Variants in VEPH1 observed in about 807,000 individuals in gnomAD.
VEPH1 encodes ventricular zone expressed PH domain containing 1.
Under a neutral mutation model 85.2 loss-of-function variants are expected in VEPH1, and 80 were observed. The observed-to-expected ratio is 0.94, with a 90% confidence interval of 0.78 to 1.13. The LOEUF is 1.13. Ranked by LOEUF, VEPH1 falls within the 50% of genes most tolerant of loss-of-function variation. The pLI, the probability that VEPH1 is intolerant of heterozygous loss-of-function variation, is 0.00. For missense variants in VEPH1, 955 were observed against 980.5 expected, an observed-to-expected ratio of 0.97 and a Z score of 0.35; for synonymous variants, 297 against 348.0, an observed-to-expected ratio of 0.85 and a Z score of 1.63.
chr3:157,274,671 A>AT lies in VEPH1; in HGVS notation c.2129-9010dup, dbSNP rs1371790162. ...TGCCATCACACCTGGATAATTTTTA[A>AT]TTTTTTTTTGTAGAGATGGGGTCTT... On this transcript the variant is annotated intron_variant, in intron 12 of 13. Coordinates refer to ENST00000362010, the MANE Select transcript of VEPH1 (RefSeq NM_001167912.2). Among the ~76,000 whole-genome samples, 8 of 151,272 alleles carry AT rather than the reference A, an allele frequency of 5.3e-5. No homozygotes were observed. The East Asian group carries it at 7.8e-4, about 15-fold the overall frequency.
At chr3:157,364,233 A>C (rs1726374981) in intron 8 of VEPH1, 70 bp downstream of exon 8, 1 of 1,257,528 alleles carries the variant, frequency 8.0e-7, no homozygotes, top group East Asian at 2.4e-5. Flanking sequence ...ACACCCCATA[A>C]CAGAGTGATA....
intron 11 of VEPH1, among the ~76,000 whole-genome samples, chr3:157,290,035 AACACACACACACACACAC>A (rs34035101): frequency 6.5e-4 from 94 of 144,312 alleles, no homozygotes; most frequent in Admixed American, 1.5e-3. Flanking sequence ...ATTATACACA[AACACACACACACACACAC>A]ACACACACAC....
chr3:157,272,099 G>T (rs923045499), intron 12 of VEPH1, among the ~76,000 whole-genome samples: 5 of 151,930 alleles, frequency 3.3e-5, no homozygotes, highest in Non-Finnish European at 7.4e-5. Flanking sequence ...GCCAAATCAG[G>T]ACTGTAAGGT....
chr3:157,458,673 A>G (rs1445043563), intron 4 of VEPH1, among the ~76,000 whole-genome samples: 1 of 152,198 alleles, frequency 6.6e-6, no homozygotes, highest in Non-Finnish European at 1.5e-5. Flanking sequence ...ATTGGTTTTA[A>G]GGACTTAGCC....
intron 9 of VEPH1, among the ~76,000 whole-genome samples, chr3:157,338,626 G>A (rs548571855): frequency 2.7e-4 from 41 of 152,160 alleles, no homozygotes; most frequent in African/African-American, 8.7e-4. Context: ...CTTTTTCAAT[G>A]CTGAGATTCA....
chr3:157,411,988 C>T (rs1050591999), intron 6 of VEPH1, among the ~76,000 whole-genome samples: 1 of 152,134 alleles, frequency 6.6e-6, no homozygotes, highest in Admixed American at 6.5e-5. Flanking sequence ...GGTGGATTTC[C>T]CCCTTGCTGC....
rs184368398 is a variant in VEPH1 at position 157,268,441 on chromosome 3, A to G, written c.2129-2779T>C. On this transcript the variant is annotated intron_variant, in intron 12 of 13. Transcript: ENST00000362010. ...TTAAAACAAACAACAAAAACAAAAT[A>G]CCAAAGCCAAAATTAATTTAAAAAA... Among the ~76,000 whole-genome samples the G allele has an allele frequency of 5.3e-5, 8 of 152,262 alleles. No homozygotes were observed. The East Asian group carries it at 1.5e-3, about 29-fold the overall frequency.
intron 11 of VEPH1, among the ~76,000 whole-genome samples, chr3:157,288,223 T>C (rs1051664456): frequency 6.6e-6 from 1 of 152,254 alleles, no homozygotes; most frequent in Non-Finnish European, 1.5e-5. Context: ...GCCTTGCATG[T>C]ACCCAGCCAA....
At chr3:157,281,087 CGTGT>C (rs141433345) in intron 12 of VEPH1, among the ~76,000 whole-genome samples, 4 of 148,686 alleles carry the variant, frequency 2.7e-5, no homozygotes, top group Non-Finnish European at 3.0e-5. Context: ...CATATGTGTG[CGTGT>C]GTGTGTGTGT....
intron 11 of VEPH1, among the ~76,000 whole-genome samples, chr3:157,304,778 A>T (rs945682393): frequency 3.3e-5 from 5 of 152,218 alleles, no homozygotes; most frequent in Non-Finnish European, 7.3e-5. Context: ...TATATAGAGA[A>T]AAGAAAATGC....
intron 6 of VEPH1, among the ~76,000 whole-genome samples, chr3:157,401,966 TC>T (rs1730821991): frequency 6.6e-6 from 1 of 152,142 alleles, no homozygotes; most frequent in Non-Finnish European, 1.5e-5. Context: ...CATTTGTAGC[TC>T]CCCTTTATGT....
rs139972516 is a variant in VEPH1 at position 157,351,068 on chromosome 3, C to T, written c.1735+12296G>A. ...TTATATTGAAGAGACATTTGCGCCC[C>T]CATGCTTATTGCAGCACTATTCACA... On this transcript the variant is annotated intron_variant, in intron 9 of 13. Transcript: ENST00000362010. Among the ~76,000 whole-genome samples the T allele has an allele frequency of 2.4e-3, 370 of 152,234 alleles. 2 individuals are homozygous for T. The highest frequency in any genetic ancestry group is 8.5e-3 in the African/African-American group (352 of 41,546).
chr3:157,479,039 A>T (rs866019968), intron 2 of VEPH1, among the ~76,000 whole-genome samples: 4 of 152,198 alleles, frequency 2.6e-5, no homozygotes, highest in African/African-American at 4.8e-5. Context: ...ACAAAAAAAA[A>T]TTTTAACCTG....
intron 2 of VEPH1, among the ~76,000 whole-genome samples, chr3:157,480,604 C>A (rs1737946940): frequency 6.6e-6 from 1 of 152,134 alleles, no homozygotes; most frequent in African/African-American, 2.4e-5. Context: ...CCTCTAGTTG[C>A]ATCCATGTTG....
At chr3:157,310,098 T>C (rs1719946543) in intron 11 of VEPH1, among the ~76,000 whole-genome samples, 1 of 152,228 alleles carries the variant, frequency 6.6e-6, no homozygotes, top group Admixed American at 6.5e-5. Context: ...CCTGGCTGAA[T>C]TTGATTGAAT....
At chr3:157,324,110 A>C (rs986855947) in intron 9 of VEPH1, among the ~76,000 whole-genome samples, 4 of 152,204 alleles carry the variant, frequency 2.6e-5, no homozygotes, top group African/African-American at 9.6e-5. Flanking sequence ...GCTGGAGTAC[A>C]GTGGTGCAAT....
intron 9 of VEPH1, among the ~76,000 whole-genome samples, chr3:157,359,788 A>G (rs1725839071): frequency 6.6e-6 from 1 of 152,226 alleles, no homozygotes; most frequent in African/African-American, 2.4e-5. Context: ...TTTATATGTC[A>G]AAACAGTCTA....
chr3:157,316,204 G>A (rs924796430), intron 10 of VEPH1: 1 of 151,670 alleles, frequency 6.6e-6, no homozygotes, highest in Non-Finnish European at 1.5e-5. Flanking sequence ...ATTTTTATAG[G>A]AGATATTATG....
intron 4 of VEPH1, chr3:157,459,621 AT>A: frequency 7.9e-7 from 1 of 1,258,094 alleles, no homozygotes; most frequent in Non-Finnish European, 1.0e-6. Context: ...CAAGGAGAAT[AT>A]TTTGCATGAA....
Sources: allele counts gnomAD v4.1 joint callset (sites outside exome capture counted in the v4.1 genomes callset), GRCh38; gene constraint gnomAD v4.1.1; transcripts MANE v1.5; gene names NCBI Gene and HGNC (gene_info 2026-07-23, HGNC 2026-07-21).